Variants in PIK3R2 observed in about 807,000 individuals in gnomAD.
PIK3R2 encodes the protein phosphatidylinositol 3-kinase regulatory subunit beta.
A neutral mutation model predicts 78.5 loss-of-function variants in PIK3R2; 40 were observed. The observed-to-expected ratio is 0.51, with a 90% confidence interval of 0.40 to 0.66. PIK3R2 has a LOEUF of 0.66. PIK3R2 is among the 30% of genes least tolerant of loss of function. PIK3R2 has a pLI of 0.00. For synonymous variants in PIK3R2, 473 were observed against 457.7 expected (o/e 1.03, Z -0.43); for missense variants, 880 against 1,026.6 (o/e 0.86, Z 1.95).
rs1342094660 is a variant in PIK3R2, at chr19:18,162,484, G to A, written c.1087G>A (p.Gly363Ser). 2.5e-6 allele frequency: 4 copies of A among 1,613,230 alleles called. No homozygotes were observed. The highest frequency in any genetic ancestry group is 3.4e-6 in the Non-Finnish European group (4 of 1,179,974). The change falls in exon 9 of 16, where the codon GGC becomes AGC. Residue 363 changes from glycine (G) to serine (S), a missense_variant. By Grantham distance (56) the Gly-to-Ser change is moderately conservative. This residue lies in a region of PIK3R2 where 156 missense variants were observed against 241.0 expected (regional missense o/e 0.65). Transcript: ENST00000222254. The part of the protein sequence containing the change: ...LVRDASSKIQ[G>S]EYTLTLRKGG... ...CCGAGATGCTTCTAGCAAGATCCAG[G>A]GCGAGTACACGCTGACCCTCAGGTG... is the stretch of plus-strand genomic sequence containing the variant.
In PIK3R2 at chr19:18,163,096, CA is replaced by C; in HGVS notation, c.1241del (p.Asn414MetfsTer63). ...HYRHESLAQY[N>X]AKLDTRLLYP... Reference sequence around the variant, plus strand: ...ACCGCCACGAGTCTCTGGCCCAGTACAATGCCAAGCTGGACACACGGCTCCT... The same window carrying C: ...ACCGCCACGAGTCTCTGGCCCAGTACATGCCAAGCTGGACACACGGCTCCT... On this transcript the variant is annotated frameshift_variant, in exon 10 of 16. Transcript: ENST00000222254. LOFTEE classifies it high-confidence loss of function. 6.2e-7 allele frequency: 1 copy of C among 1,613,938 alleles called. No individual in the cohort carries two copies. Among genetic ancestry groups the C allele is most frequent in the Non-Finnish European group, 8.5e-7 (1 of 1,179,998 alleles).
At chr19:18,159,389 C>A (rs140522239) in intron 2 of PIK3R2, among the ~76,000 whole-genome samples, 3 of 151,972 alleles carry the variant, frequency 2.0e-5, no homozygotes, top group African/African-American at 7.2e-5. Context: ...TCTGGTGCCT[C>A]CAGGCATTCA....
In PIK3R2 at chr19:18,155,929, G is replaced by A. The variant is rs755680940; in HGVS notation, c.50G>A (p.Arg17Gln). 4.5e-6 allele frequency: 7 copies of A among 1,568,436 alleles called. No homozygotes were observed. The highest frequency in any genetic ancestry group is 3.5e-5 in the South Asian group (3 of 85,704). ...TACCGCGCTCTGTACCCGTTCCGCC[G>A]GGAGCGGCCGGAGGACCTGGAGCTG... ...FQYRALYPFR[R>Q]ERPEDLELLP... Residue 17 changes from arginine to glutamine, a missense_variant, in exon 2 of 16, where the codon CGG becomes CAG. Transcript: ENST00000222254.
At chr19:18,162,587 G>T in intron 9 of PIK3R2, 81 bp downstream of exon 9, 1 of 1,273,520 alleles carries the variant, frequency 7.9e-7, no homozygotes, top group Non-Finnish European at 1.1e-6. Context: ...AACATGTGCG[G>T]TTTCAAGAAT....
At position 18,161,132 on chromosome 19, in the gene PIK3R2, C is replaced by T; in HGVS notation, c.545C>T (p.Pro182Leu). 1 of 1,561,482 alleles carries T rather than the reference C, an allele frequency of 6.4e-7. No homozygotes were observed. Among genetic ancestry groups the T allele is most frequent in the South Asian group, 1.2e-5 (1 of 84,996 alleles). The change falls in exon 5 of 16, where the codon CCC (proline) becomes CTC (leucine). Residue 182 changes from proline (P) to leucine (L), a missense_variant. Physicochemically the swap from Pro to Leu is moderately conservative, Grantham distance 98 (BLOSUM62 -3). Around this residue, in one of 3 missense-constraint regions of PIK3R2, gnomAD observed 456 missense variants for 486.6 expected, o/e 0.94. Transcript: ENST00000222254. The surrounding 1 kb of genome is among the most constrained non-coding windows in gnomAD (Gnocchi z 5.3). Reference sequence around the variant, plus strand: ...ATTAAGAGCTTCCTGCTGGCACTGCCCGCGCCGCTCGTGACCCCCGAGGCC... The same window carrying T: ...ATTAAGAGCTTCCTGCTGGCACTGCTCGCGCCGCTCGTGACCCCCGAGGCC... ...DGIKSFLLAL[P>L]APLVTPEASA...
In PIK3R2 at chr19:18,166,171, G is replaced by A; in HGVS notation, c.1428G>A (p.Met476Ile). 2 of 1,613,926 alleles carry A rather than the reference G, an allele frequency of 1.2e-6. No individual in the cohort carries two copies. Among genetic ancestry groups the A allele is most frequent in the Non-Finnish European group, 1.7e-6 (2 of 1,179,862 alleles). ...GCCCCCTCCTCCAGGAGCTGCAGATGAAGCGTACTGCAATTGAGGCCTTCA... is the reference window on the plus strand; with the variant it reads ...GCCCCCTCCTCCAGGAGCTGCAGATAAAGCGTACTGCAATTGAGGCCTTCA... ...EYTRTSQELQ[M>I]KRTAIEAFNE... is the part of the protein sequence containing the mutation. Residue 476 changes from methionine (M) to isoleucine (I), a missense_variant, in exon 12 of 16, where the codon ATG becomes ATA. Around this residue, in one of 3 missense-constraint regions of PIK3R2, gnomAD observed 156 missense variants for 241.0 expected, o/e 0.65. Transcript: ENST00000222254.
In PIK3R2 at chr19:18,162,600, A is replaced by G. The variant is rs2006885; in HGVS notation, c.1109+94A>G. On this transcript the variant is annotated intron_variant, in intron 9 of 15. Transcript: ENST00000222254. ...AGAACATGTGCGGTTTCAAGAATGGAGGGCCAGGCACGGTGGCTTACACCT... is the reference window on the plus strand; with the variant it reads ...AGAACATGTGCGGTTTCAAGAATGGGGGGCCAGGCACGGTGGCTTACACCT... 0.93 allele frequency: 989,620 copies of G among 1,066,980 alleles called. 459,936 individuals carry two copies. Among genetic ancestry groups the G allele is most frequent in the Non-Finnish European group, 0.95 (678,297 of 716,840 alleles). 66.1% of individuals were successfully genotyped at this position (1,066,980 alleles called of 1,614,324 possible).
rs2147960598 is a variant in PIK3R2, at chr19:18,169,154, T to A, written c.2047T>A (p.Tyr683Asn). 1 of 1,610,822 alleles carries A rather than the reference T, an allele frequency of 6.2e-7. No individual in the cohort carries two copies. The highest frequency in any genetic ancestry group is 8.5e-7 in the Non-Finnish European group (1 of 1,179,430). Residue 683 changes from tyrosine to asparagine, a missense_variant, in exon 16 of 16, where the codon TAC becomes AAC. Coordinates refer to ENST00000222254, the MANE Select transcript of PIK3R2 (RefSeq NM_005027.4). The stretch of plus-strand genomic sequence containing the variant: ...CACCGGCTTCGGCTTCGCGGAGCCC[T>A]ACAACCTGTACGGGTCGCTGAAGGA... The part of the protein sequence containing the change: ...TATGFGFAEP[Y>N]NLYGSLKELV...
chr19:18,159,003 G>A (rs573996896), intron 2 of PIK3R2, among the ~76,000 whole-genome samples: 1 of 151,818 alleles, frequency 6.6e-6, no homozygotes, highest in African/African-American at 2.4e-5. Flanking sequence ...CACCACGCCT[G>A]GCTAATTTTT....
In PIK3R2 at chr19:18,155,987, G is replaced by T; in HGVS notation, c.108G>T (p.Ala36=). ...GCGACGTGCTGGTAGTGAGCCGGGCGGCCTTGCAGGCGCTGGGCGTGGCCG... is the reference window on the plus strand; with the variant it reads ...GCGACGTGCTGGTAGTGAGCCGGGCTGCCTTGCAGGCGCTGGGCGTGGCCG... The part of the protein sequence containing the change: ...LPGDVLVVSR[A]ALQALGVAEG... Residue 36 remains alanine, a synonymous_variant, in exon 2 of 16, where the codon GCG becomes GCT. Transcript: ENST00000222254. The T allele has an allele frequency of 1.3e-6, 2 of 1,560,560 alleles. No homozygotes were observed. The highest frequency in any genetic ancestry group is 1.2e-5 in the South Asian group (1 of 84,990).
At position 18,168,135 on chromosome 19, in the gene PIK3R2, G is replaced by A. The variant is rs189968831; in HGVS notation, c.1737-340G>A. 1.0e-3 allele frequency among the ~76,000 whole-genome samples: 154 copies of A among 152,186 alleles called. 1 individual carries two copies. Among genetic ancestry groups the A allele is most frequent in the African/African-American group, 3.6e-3 (148 of 41,520 alleles). On this transcript the variant is annotated intron_variant, in intron 13 of 15. Coordinates refer to ENST00000222254, the MANE Select transcript of PIK3R2 (RefSeq NM_005027.4). The surrounding 1 kb of genome is among the most constrained non-coding windows in gnomAD (Gnocchi z 4.1). ...GCCCTTTACAGCTGGGGAGACTGAG[G>A]CACAGAACCGACAGCTGCCCTGTGC... is the stretch of plus-strand genomic sequence containing the variant.
chr19:18,160,797 C>A (rs1313345359), intron 3 of PIK3R2, 122 bp from the exon 4 acceptor site: 6 of 1,237,104 alleles, frequency 4.9e-6, no homozygotes, highest in African/African-American at 4.5e-5. Context: ...CCTCCCCACC[C>A]CTCCCATGCC....
In PIK3R2 at chr19:18,156,203, T is replaced by C. The variant is rs1444173990; in HGVS notation, c.322+2T>C. The C allele has an allele frequency of 6.8e-7, 1 of 1,467,064 alleles. No homozygotes were observed. Among genetic ancestry groups the C allele is most frequent in the Non-Finnish European group, 9.0e-7 (1 of 1,115,750 alleles). The allele number at this position is 1,467,064 out of a possible 1,614,324, so 90.9% of individuals were successfully genotyped here. A position where few individuals can be genotyped will look rare whatever the true frequency, so the allele number is the denominator to read the frequency against. On this transcript the variant is annotated splice_donor_variant, in intron 2 of 15. Coordinates refer to ENST00000222254, the MANE Select transcript of PIK3R2 (RefSeq NM_005027.4). LOFTEE classifies it high-confidence loss of function. This position sits in a 1 kb window ranked among gnomAD's most constrained non-coding sequence, Gnocchi z 4.2. The stretch of plus-strand genomic sequence containing the variant: ...CCCGTGATGGGGCCCCTGAGCCAGG[T>C]GAGCAGCAAGCAGGGGCCCTGGAAA...
chr19:18,164,913 AAG>A (rs1272377053), intron 11 of PIK3R2, among the ~76,000 whole-genome samples: 1 of 147,996 alleles, frequency 6.8e-6, no homozygotes, highest in Admixed American at 6.7e-5. Context: ...AAAAAAAAAA[AAG>A]AAAAAAAAAA....
chr19:18,155,939 G>A lies in PIK3R2; in HGVS notation c.60G>A (p.Pro20=), dbSNP rs778383604. The change falls in exon 2 of 16, where the codon CCG becomes CCA. Residue 20 remains proline (P), a synonymous_variant. Coordinates refer to ENST00000222254, the MANE Select transcript of PIK3R2 (RefSeq NM_005027.4). Reference sequence around the variant, plus strand: ...TGTACCCGTTCCGCCGGGAGCGGCCGGAGGACCTGGAGCTGCTGCCCGGCG... The same window carrying A: ...TGTACCCGTTCCGCCGGGAGCGGCCAGAGGACCTGGAGCTGCTGCCCGGCG... ...RALYPFRRER[P]EDLELLPGDV... is the part of the protein sequence containing the mutation. 3.9e-5 allele frequency: 62 copies of A among 1,570,126 alleles called. No individual in the cohort carries two copies. Among genetic ancestry groups the A allele is most frequent in the South Asian group, 1.0e-4 (9 of 85,820 alleles).
Position 18,155,912 on chromosome 19 carries a change from T to C in PIK3R2, c.33T>C (p.Ala11=), listed in dbSNP as rs1360774955. The C allele has an allele frequency of 1.9e-6, 3 of 1,564,284 alleles. No homozygotes were observed. Among genetic ancestry groups the C allele is most frequent in the Non-Finnish European group, 1.7e-6 (2 of 1,154,818 alleles). MAGPEGFQYR[A]LYPFRRERPE... The stretch of plus-strand genomic sequence containing the variant: ...GCCCTGAGGGCTTCCAGTACCGCGC[T>C]CTGTACCCGTTCCGCCGGGAGCGGC... Residue 11 remains alanine (A), a synonymous_variant, in exon 2 of 16, where the codon GCT becomes GCC. Transcript: ENST00000222254.
intron 2 of PIK3R2, among the ~76,000 whole-genome samples, chr19:18,159,216 C>G: frequency 7.4e-6 from 1 of 135,694 alleles, no homozygotes; most frequent in Non-Finnish European, 1.5e-5. Context: ...GTCTTGAACT[C>G]CTGGACTCAA....
chr19:18,164,871 AG>A (rs1407354366), intron 11 of PIK3R2, among the ~76,000 whole-genome samples: 1 of 147,858 alleles, frequency 6.8e-6, no homozygotes, highest in African/African-American at 2.5e-5. Context: ...CCTGGCCTCA[AG>A]TGATCTGGCT....
In PIK3R2 at chr19:18,168,753, C is replaced by T. The variant is rs2147959706; in HGVS notation, c.1836C>T (p.Asp612=). Residue 612 remains aspartate, a synonymous_variant, in exon 15 of 16, where the codon GAC becomes GAT. Coordinates refer to ENST00000222254, the MANE Select transcript of PIK3R2 (RefSeq NM_005027.4). This position sits in a 1 kb window ranked among gnomAD's most constrained non-coding sequence, Gnocchi z 4.1. ...EDQYALMEDE[D]DLPHHEERTW... Reference sequence around the variant, plus strand: ...AGTACGCACTCATGGAGGACGAGGACGATCTCCCGCACCACGAGGAACGCA... The same window carrying T: ...AGTACGCACTCATGGAGGACGAGGATGATCTCCCGCACCACGAGGAACGCA... The T allele has an allele frequency of 1.9e-6, 3 of 1,613,528 alleles. No individual in the cohort carries two copies. Among genetic ancestry groups the T allele is most frequent in the East Asian group, 2.2e-5 (1 of 44,866 alleles).
Sources: allele counts gnomAD v4.1 joint callset (sites outside exome capture counted in the v4.1 genomes callset), GRCh38; gene constraint gnomAD v4.1.1; regional missense constraint gnomAD v4.1.1; non-coding constraint Gnocchi (gnomAD v3.1); transcripts MANE v1.5; gene names NCBI Gene and HGNC (gene_info 2026-07-23, HGNC 2026-07-21).